The following RNF17 variants were observed in gnomAD, a reference collection of about 807,000 sequenced individuals.
RNF17 encodes the protein ring finger protein 17.
A neutral mutation model predicts 200.5 loss-of-function variants in RNF17; 31 were observed. The ratio of observed to expected loss-of-function variants is 0.15; its 90% CI spans 0.12 to 0.21. The LOEUF is 0.21. Ranked by LOEUF, RNF17 falls within the 10% of genes least tolerant of loss-of-function variation. RNF17 has a pLI of 1.00. For missense variants in RNF17, 1,628 were observed against 1,905.1 expected (o/e 0.85, Z 2.71); for synonymous variants, 606 against 637.8 (o/e 0.95, Z 0.75).
At chr13:24,823,415 A>G (rs952258811) in intron 15 of RNF17, among the ~76,000 whole-genome samples, 1 of 152,086 alleles carries the variant, frequency 6.6e-6, no homozygotes, top group Non-Finnish European at 1.5e-5. Flanking sequence ...TTGTTTTGGT[A>G]CTTTTCCAAA....
chr13:24,811,513 C>G (rs1480575166), intron 15 of RNF17, among the ~76,000 whole-genome samples: 1 of 151,942 alleles, frequency 6.6e-6, no homozygotes, highest in Non-Finnish European at 1.5e-5. Context: ...AAGCACTTCT[C>G]TGTATTGGTT....
chr13:24,879,981 A>T (rs1953757820), downstream of RNF17: 7 of 152,334 alleles, frequency 4.6e-5, no homozygotes, highest in Middle Eastern at 3.4e-3. Flanking sequence ...ACATGAAAAA[A>T]AATTTAGTTC....
chr13:24,777,317 A>T (rs1190300126), intron 3 of RNF17, among the ~76,000 whole-genome samples: 1 of 152,224 alleles, frequency 6.6e-6, no homozygotes, highest in East Asian at 1.9e-4. Context: ...ATAAGCTGTA[A>T]GCTGATGATT....
intron 18 of RNF17, among the ~76,000 whole-genome samples, chr13:24,833,860 A>G (rs116685326): frequency 2.0e-3 from 301 of 152,352 alleles, no homozygotes; most frequent in African/African-American, 7.1e-3. Flanking sequence ...AGCAAGGAAC[A>G]TTTATATTTG....
chr13:24,833,378 G>T (rs1889637806), intron 18 of RNF17, among the ~76,000 whole-genome samples: 1 of 152,186 alleles, frequency 6.6e-6, no homozygotes, highest in African/African-American at 2.4e-5. Context: ...TGATTATACA[G>T]ACTGTATCCT....
chr13:24,764,156 G>C (rs1879180877), upstream of RNF17: 1 of 1,528,502 alleles, frequency 6.5e-7, no homozygotes, highest in East Asian at 2.3e-5. Context: ...TGCCGCGAGG[G>C]CCGCCGGGAC....
intron 15 of RNF17, among the ~76,000 whole-genome samples, 183 bp downstream of exon 15, chr13:24,804,612 G>A (rs1037099558): frequency 6.6e-6 from 1 of 152,126 alleles, no homozygotes; most frequent in Non-Finnish European, 1.5e-5. Flanking sequence ...ATCACAAATT[G>A]AAAGAACAAT....
At chr13:24,799,080 C>T (rs1884946443) in intron 11 of RNF17, among the ~76,000 whole-genome samples, 1 of 152,188 alleles carries the variant, frequency 6.6e-6, no homozygotes, top group African/African-American at 2.4e-5. Context: ...GCCTGTCTCT[C>T]TTCCTTTCTT....
chr13:24,857,728 A>G (rs573678184), intron 25 of RNF17, among the ~76,000 whole-genome samples: 6 of 152,196 alleles, frequency 3.9e-5, no homozygotes, highest in African/African-American at 1.4e-4. Context: ...GTGAGACCCC[A>G]TCGCTACAAA....
At chr13:24,807,066 G>T (rs1320923967) in intron 15 of RNF17, among the ~76,000 whole-genome samples, 1 of 151,594 alleles carries the variant, frequency 6.6e-6, no homozygotes, top group African/African-American at 2.4e-5. Context: ...CATTTGGCTT[G>T]GTTCCAAGTC....
At chr13:24,827,923 A>AAGGGCACCTAATCACATTTATG (rs1888926700) in intron 16 of RNF17, among the ~76,000 whole-genome samples, 1 of 151,884 alleles carries the variant, frequency 6.6e-6, no homozygotes, top group Non-Finnish European at 1.5e-5. Flanking sequence ...GCCCTTTTAT[A>AAGGGCACCTAATCACATTTATG]AGGGCACCTA....
intron 10 of RNF17, among the ~76,000 whole-genome samples, chr13:24,794,593 T>G (rs1884306321): frequency 6.6e-6 from 1 of 152,164 alleles, no homozygotes; most frequent in Non-Finnish European, 1.5e-5. Flanking sequence ...GAGGATCACT[T>G]GAGCCTGGGA....
chr13:24,768,182 A>G (rs192686432), intron 2 of RNF17, among the ~76,000 whole-genome samples: 1 of 152,302 alleles, frequency 6.6e-6, no homozygotes, highest in African/African-American at 2.4e-5. Flanking sequence ...CAAATTAAGG[A>G]TGTAAAATAA....
rs1414887406 is a variant in RNF17 at position 24,812,683 on chromosome 13, CCTT to C, written c.2091+8255_2091+8257del. Among the ~76,000 whole-genome samples, 282 of 84,410 alleles carry C rather than the reference CCTT, an allele frequency of 3.3e-3. 6 individuals carry two copies. Among genetic ancestry groups the C allele is most frequent in the African/African-American group, 0.013 (275 of 21,180 alleles). The allele number at this position is 84,410 out of a possible 152,430, so 55.4% of individuals were successfully genotyped here. On this transcript the variant is annotated intron_variant, in intron 15 of 35. Coordinates refer to ENST00000255324, the MANE Select transcript of RNF17 (RefSeq NM_031277.3). ...GGCTCCTCCCCTCCCCGCCCCACCC[CCTT>C]TTTTTTTTTTTTTGAGACGCAGTCT...
rs547954841 is a variant in RNF17 at position 24,779,716 on chromosome 13, A to G, written c.479A>G (p.His160Arg). 1.2e-5 allele frequency: 20 copies of G among 1,613,688 alleles called. No homozygotes were observed. In the African/African-American group the frequency reaches 2.3e-4, roughly 18 times the overall value. ...GATGAAGCATTGAATACAGCACACC[A>G]TAGTTTCGAACAGTTAAGCATTGCT... Reference protein sequence around the residue: ...EIDEALNTAHHSFEQLSIAGK... With the variant: ...EIDEALNTAHRSFEQLSIAGK... Residue 160 changes from histidine to arginine, a missense_variant, in exon 5 of 36, where the codon CAT becomes CGT. By Grantham distance (29) the His-to-Arg change is conservative. This residue lies in a region of RNF17 where 502 missense variants were observed against 501.7 expected (regional missense o/e 1.00). Coordinates refer to ENST00000255324, the MANE Select transcript of RNF17 (RefSeq NM_031277.3).
At chr13:24,876,258 A>C (rs1381494554) in intron 33 of RNF17, among the ~76,000 whole-genome samples, 1 of 152,124 alleles carries the variant, frequency 6.6e-6, no homozygotes, top group Admixed American at 6.5e-5. Flanking sequence ...TTTCATCTTA[A>C]TTTCATTTTT....
intron 3 of RNF17, 45 bp from the exon 4 acceptor site, chr13:24,778,250 A>G (rs1030244283): frequency 2.3e-6 from 3 of 1,312,648 alleles, no homozygotes; most frequent in African/African-American, 2.9e-5. Context: ...TGACAGAGAA[A>G]GATCCTGTCA....
downstream of RNF17, among the ~76,000 whole-genome samples, chr13:24,881,089 G>A (rs1953800925): frequency 6.6e-6 from 1 of 151,886 alleles, no homozygotes; most frequent in African/African-American, 2.4e-5. Context: ...CTTCTAATTT[G>A]GGGCTTGCCT....
At chr13:24,825,584 G>A (rs941231374) in intron 15 of RNF17, 35 bp from the exon 16 acceptor site, 26 of 1,414,614 alleles carry the variant, frequency 1.8e-5, no homozygotes, top group Non-Finnish European at 2.2e-5. Context: ...TTAAGTTTCT[G>A]TGAAATGACA....
Sources: allele counts gnomAD v4.1 joint callset (sites outside exome capture counted in the v4.1 genomes callset), GRCh38; gene constraint gnomAD v4.1.1; regional missense constraint gnomAD v4.1.1; transcripts MANE v1.5; gene names NCBI Gene and HGNC (gene_info 2026-07-23, HGNC 2026-07-21).